The following GAN variants were observed in gnomAD, a reference collection of about 807,000 sequenced individuals.
The protein encoded by GAN is epididymis secretory sperm binding protein.
GAN carries 48 observed loss-of-function variants against 71.3 expected under a neutral mutation model. That is an observed-to-expected ratio of 0.67 (90% CI 0.53 to 0.86). The LOEUF (loss-of-function observed/expected upper bound fraction) is 0.86. Ranked by LOEUF, GAN falls within the 40% of genes least tolerant of loss-of-function variation. GAN has a pLI of 0.00. For missense variants in GAN, 928 were observed against 770.1 expected (o/e 1.21, Z -2.43); for synonymous variants, 386 against 276.8 (o/e 1.39, Z -3.92).
chr16:81,376,654 GTATATATGTGTGTA>G (rs1184668835), intron 9 of GAN, among the ~76,000 whole-genome samples: 78 of 150,448 alleles, frequency 5.2e-4, no homozygotes, highest in African/African-American at 1.9e-3. Flanking sequence ...ATATATGTGT[GTATATATGTGTGTA>G]TATACATATG....
chr16:81,316,480 T>TGTGGAGGG (rs1165043050), intron 1 of GAN, among the ~76,000 whole-genome samples: 1 of 4,014 alleles, frequency 2.5e-4, no homozygotes, highest in Non-Finnish European at 5.1e-4. Context: ...CGGTGGGGAG[T>TGTGGAGGG]GTGGAGGGGT....
intron 9 of GAN, among the ~76,000 whole-genome samples, chr16:81,370,858 C>G (rs1911015705): frequency 6.6e-6 from 1 of 152,250 alleles, no homozygotes; most frequent in African/African-American, 2.4e-5. Context: ...TTCTTTTACT[C>G]TTTTCTAGCT....
intron 9 of GAN, among the ~76,000 whole-genome samples, chr16:81,374,771 G>T (rs546896636): frequency 6.6e-6 from 1 of 152,224 alleles, no homozygotes; most frequent in South Asian, 2.1e-4. Flanking sequence ...TATTTTCTCT[G>T]CCTCAGCTCT....
At chr16:81,345,008 C>G (rs898025850) in intron 1 of GAN, among the ~76,000 whole-genome samples, 8 of 152,198 alleles carry the variant, frequency 5.3e-5, no homozygotes, top group Admixed American at 6.5e-5. Context: ...AAATGCTCAT[C>G]ATAACTGGCC....
At chr16:81,375,320 T>C (rs1904277021) in intron 9 of GAN, among the ~76,000 whole-genome samples, 2 of 147,706 alleles carry the variant, frequency 1.4e-5, no homozygotes, top group Admixed American at 7.0e-5. Flanking sequence ...CTACGTCCTT[T>C]TTTTTTTTTT....
chr16:81,338,755 G>T lies in GAN; in HGVS notation c.168-12828G>T, dbSNP rs1343997529. 6.6e-5 allele frequency among the ~76,000 whole-genome samples: 10 copies of T among 152,210 alleles called. 1 individual carries two copies. The highest frequency in any genetic ancestry group is 6.5e-4 in the Admixed American group (10 of 15,280). On this transcript the variant is annotated intron_variant, in intron 1 of 10. Coordinates refer to ENST00000648994, the MANE Select transcript of GAN (RefSeq NM_022041.4). ...TGTCCCAGAAATGCGGGAGGGAAGT[G>T]GCTGTGAATGGCAGAAGGCTGTGGA...
chr16:81,365,031 G>A lies in GAN; in HGVS notation c.1294G>A (p.Gly432Arg). The change falls in exon 8 of 11, where the codon GGA becomes AGA. Residue 432 changes from glycine to arginine, a missense_variant. Gly to Arg is a moderately radical substitution (Grantham distance 125). Transcript: ENST00000648994. ...KIYAMGGGSY[G>R]KLFESVECYD... The stretch of plus-strand genomic sequence containing the variant: ...CTACGCCATGGGTGGAGGCTCCTAC[G>A]GAAAGCTTTTTGAGTCTGTAGAGTG... The A allele has an allele frequency of 3.7e-6, 6 of 1,613,538 alleles. No homozygotes were observed. The highest frequency in any genetic ancestry group is 2.2e-5 in the East Asian group (1 of 44,872).
chr16:81,328,650 T>TTTA (rs1555509141), intron 1 of GAN, among the ~76,000 whole-genome samples: 5 of 608 alleles, frequency 8.2e-3, no homozygotes, highest in Non-Finnish European at 0.024. Context: ...GTGTATCTTA[T>TTTA]TTTTTTTTTT....
intron 5 of GAN, among the ~76,000 whole-genome samples, chr16:81,359,135 A>G (rs1169782445): frequency 6.6e-6 from 1 of 152,192 alleles, no homozygotes; most frequent in East Asian, 1.9e-4. Context: ...TGGACAGAGT[A>G]GTATAGCCTG....
At chr16:81,361,467 G>A (rs1910670008) in intron 5 of GAN, among the ~76,000 whole-genome samples, 1 of 152,196 alleles carries the variant, frequency 6.6e-6, no homozygotes, top group Non-Finnish European at 1.5e-5. Flanking sequence ...CCTTCATCCT[G>A]ACAGTGTAGA....
intron 1 of GAN, among the ~76,000 whole-genome samples, chr16:81,345,358 C>G (rs1417244300): frequency 6.6e-6 from 1 of 152,136 alleles, no homozygotes; most frequent in Admixed American, 6.5e-5. Context: ...ACCCAAATGT[C>G]CATCAATGAT....
chr16:81,348,407 T>C (rs559303192), intron 1 of GAN, among the ~76,000 whole-genome samples: 1 of 152,362 alleles, frequency 6.6e-6, no homozygotes, highest in South Asian at 2.1e-4. Flanking sequence ...GTTACCTTTT[T>C]TCTTATCAGT....
Position 81,389,848 on chromosome 16 carries a change from C to A in GAN, c.*12252C>A, listed in dbSNP as rs542555333. On this transcript the variant is annotated 3_prime_UTR_variant, in exon 11 of 11. Transcript: ENST00000648994. Reference sequence around the variant, plus strand: ...TGGACCCTCGAGTATGTGACTGTCACCCTTGTCCAAGACTGGTTTTTAACA... The same window carrying A: ...TGGACCCTCGAGTATGTGACTGTCAACCTTGTCCAAGACTGGTTTTTAACA... 6.6e-6 allele frequency: 1 copy of A among 152,146 alleles called. No individual in the cohort carries two copies. 9.4% of individuals were successfully genotyped at this position (152,146 alleles called of 1,614,324 possible). A position where few individuals can be genotyped will look rare whatever the true frequency, so the allele number is the denominator to read the frequency against.
intron 5 of GAN, 101 bp downstream of exon 5, chr16:81,358,032 T>G (rs1342821434): frequency 9.8e-7 from 1 of 1,024,256 alleles, no homozygotes; most frequent in African/African-American, 1.6e-5. Context: ...TACAATTTTA[T>G]TATCTCTACA....
intron 1 of GAN, among the ~76,000 whole-genome samples, chr16:81,342,122 G>A (rs2150678358): frequency 6.6e-6 from 1 of 152,294 alleles, no homozygotes; most frequent in East Asian, 1.9e-4. Context: ...GGAGCACCCA[G>A]ATTCATAAAG....
At chr16:81,360,519 G>C (rs189073277) in intron 5 of GAN, among the ~76,000 whole-genome samples, 493 of 149,516 alleles carry the variant, frequency 3.3e-3, no homozygotes, top group Non-Finnish European at 5.8e-3. Flanking sequence ...ATTATCTTTT[G>C]ATTTATCTTC....
At position 81,377,488 on chromosome 16, in the gene GAN, A is replaced by C. The variant is rs1306397594; in HGVS notation, c.1686A>C (p.Pro562=). 1.2e-6 allele frequency: 2 copies of C among 1,614,034 alleles called. No homozygotes were observed. The highest frequency in any genetic ancestry group is 1.7e-5 in the Admixed American group (1 of 60,004). ...GTWHHTKPLL[P]SDLRRTGCAA... ...GGCACCACACTAAACCACTCCTTCC[A>C]TCCGACCTTCGCCGTACAGGATGTG... The change falls in exon 11 of 11, where the codon CCA becomes CCC. Residue 562 remains proline, a synonymous_variant. Transcript: ENST00000648994.
At chr16:81,357,776 A>G (rs1439479088) in intron 4 of GAN, 34 bp from the exon 5 acceptor site, 2 of 1,596,510 alleles carry the variant, frequency 1.3e-6, no homozygotes, top group African/African-American at 2.7e-5. Flanking sequence ...TGTATGAAGC[A>G]CATTAACTAC....
chr16:81,327,394 A>G (rs1909425125), intron 1 of GAN, among the ~76,000 whole-genome samples: 1 of 152,198 alleles, frequency 6.6e-6, no homozygotes, highest in Non-Finnish European at 1.5e-5. Flanking sequence ...CTTATTTATT[A>G]AAGGGAACTG....
Sources: gnomAD v4.1 joint callset for allele counts (sites outside exome capture counted in the v4.1 genomes callset) on GRCh38, gnomAD v4.1.1 for gene constraint, MANE v1.5 for transcripts, NCBI Gene and HGNC (gene_info 2026-07-23, HGNC 2026-07-21) for gene names.